STK4: variants seen among roughly 807,000 people sequenced by gnomAD.
STK4 encodes serine/threonine kinase 4.
STK4 carries 30 observed loss-of-function variants against 64.9 expected under a neutral mutation model. The ratio of observed to expected loss-of-function variants is 0.46; its 90% CI spans 0.35 to 0.63. STK4 has a LOEUF of 0.63. Among genes scored for constraint, STK4 ranks in the 20% least tolerant of loss-of-function variants. The pLI, the probability that STK4 is intolerant of heterozygous loss-of-function variation, is 0.01. For synonymous variants in STK4, 177 were observed against 199.0 expected (o/e 0.89, Z 0.93); for missense variants, 466 against 598.5 (o/e 0.78, Z 2.31).
intron 10 of STK4, among the ~76,000 whole-genome samples, chr20:45,033,380 A>G (rs1265883586): frequency 6.6e-6 from 1 of 152,076 alleles, no homozygotes; most frequent in East Asian, 1.9e-4. Flanking sequence ...TTTCTAGGTT[A>G]TCTTCTAGGG....
chr20:44,993,008 T>A (rs2067663042), intron 5 of STK4, among the ~76,000 whole-genome samples: 1 of 152,198 alleles, frequency 6.6e-6, no homozygotes, highest in South Asian at 2.1e-4. Flanking sequence ...CTAATGTACT[T>A]CTTTAAAGTA....
intron 10 of STK4, among the ~76,000 whole-genome samples, chr20:45,050,667 C>A (rs988632569): frequency 6.6e-6 from 1 of 151,874 alleles, no homozygotes; most frequent in Non-Finnish European, 1.5e-5. Context: ...AGGTTATGAA[C>A]CTTTTAACAT....
intron 10 of STK4, among the ~76,000 whole-genome samples, chr20:45,060,888 G>A (rs1170391812): frequency 1.3e-5 from 2 of 151,738 alleles, no homozygotes; most frequent in Non-Finnish European, 2.9e-5. Flanking sequence ...TACTTTTTTT[G>A]TCCCATACCC....
At chr20:45,013,278 T>C (rs2068086859) in intron 9 of STK4, among the ~76,000 whole-genome samples, 2 of 152,142 alleles carry the variant, frequency 1.3e-5, no homozygotes, top group South Asian at 4.1e-4. Context: ...GGTTTATTTT[T>C]AGTTTAAGAG....
intron 9 of STK4, among the ~76,000 whole-genome samples, chr20:45,019,488 T>C (rs2068204940): frequency 1.3e-5 from 2 of 152,228 alleles, no homozygotes; most frequent in Admixed American, 1.3e-4. Flanking sequence ...TTACGTAGCA[T>C]TTTTCAAAGA....
At chr20:44,982,009 T>C (rs1384025318) in intron 4 of STK4, 66 bp downstream of exon 4, 53 of 1,063,482 alleles carry the variant, frequency 5.0e-5, no homozygotes, top group Non-Finnish European at 5.8e-6. Context: ...TCTCTGCCTC[T>C]TTTTCAGGGC....
Position 44,981,847 on chromosome 20 carries a change from T to C in STK4, c.264T>C (p.Tyr88=), listed in dbSNP as rs1321262030. The change falls in exon 4 of 11, where the codon TAT becomes TAC. Residue 88 remains tyrosine, a synonymous_variant. Transcript: ENST00000372806. ...QQCDSPHVVK[Y]YGSYFKNTDL... is the part of the protein sequence containing the mutation. The stretch of plus-strand genomic sequence containing the variant: ...TCTCTAGCCCTCATGTAGTCAAATA[T>C]TATGGCAGTTATTTTAAGAACACAG... The C allele has an allele frequency of 5.6e-6, 9 of 1,612,780 alleles. No individual in the cohort carries two copies. The East Asian group carries it at 1.1e-4, about 20-fold the overall frequency.
chr20:45,058,881 C>T (rs1483395721), intron 10 of STK4, among the ~76,000 whole-genome samples: 1 of 152,170 alleles, frequency 6.6e-6, no homozygotes, highest in Non-Finnish European at 1.5e-5. Context: ...TTCTTGTACT[C>T]TACCTTCTGT....
intron 9 of STK4, among the ~76,000 whole-genome samples, chr20:45,016,928 TGCTCTAA>T (rs2068152624): frequency 6.6e-6 from 1 of 152,238 alleles, no homozygotes; most frequent in Admixed American, 6.5e-5. Flanking sequence ...ATTTCTCTGT[TGCTCTAA>T]GCTTGCTGTT....
intron 9 of STK4, among the ~76,000 whole-genome samples, chr20:45,009,665 G>A (rs910256503): frequency 5.9e-5 from 9 of 152,172 alleles, no homozygotes; most frequent in Admixed American, 5.2e-4. Context: ...CTATCCGTGA[G>A]CATACAATGT....
At chr20:45,020,444 G>C (rs1323552516) in intron 9 of STK4, among the ~76,000 whole-genome samples, 1 of 95,374 alleles carries the variant, frequency 1.0e-5, no homozygotes, top group Non-Finnish European at 2.1e-5. Flanking sequence ...TTATGCGTGT[G>C]TGTGTGTGTG....
chr20:45,021,524 A>C (rs1256144026), intron 9 of STK4, among the ~76,000 whole-genome samples: 1 of 152,222 alleles, frequency 6.6e-6, no homozygotes, highest in Non-Finnish European at 1.5e-5. Flanking sequence ...ATTGTTTTTG[A>C]ATGTCTGCTG....
chr20:44,966,804 C>A (rs1035303879), intron 1 of STK4, among the ~76,000 whole-genome samples: 1 of 151,988 alleles, frequency 6.6e-6, no homozygotes, highest in Non-Finnish European at 1.5e-5. Context: ...GACTTGGGAC[C>A]GGTTAGAGGG....
intron 9 of STK4, among the ~76,000 whole-genome samples, chr20:45,002,995 T>A (rs2067868144): frequency 6.6e-6 from 1 of 152,096 alleles, no homozygotes; most frequent in Admixed American, 6.6e-5. Context: ...TTATAATTGA[T>A]TTTAAGTATT....
In STK4 at chr20:44,982,046, A is replaced by C. The variant is rs1043007185; in HGVS notation, c.360+103A>C. 4 of 717,122 alleles carry C rather than the reference A, an allele frequency of 5.6e-6. No homozygotes were observed. The African/African-American group carries it at 7.3e-5, about 13-fold the overall frequency. The allele number at this position is 717,122 out of a possible 1,614,324, so 44.4% of individuals were successfully genotyped here. Reference sequence around the variant, plus strand: ...TTCTCCTACTAGAGAGACGACTGTCAGATTTCCCCTTTTCCATGGTTATTT... The same window carrying C: ...TTCTCCTACTAGAGAGACGACTGTCCGATTTCCCCTTTTCCATGGTTATTT... On this transcript the variant is annotated intron_variant, in intron 4 of 10. Coordinates refer to ENST00000372806, the MANE Select transcript of STK4 (RefSeq NM_006282.5).
At chr20:44,975,067 C>T (rs1235817370) in intron 2 of STK4, 1 of 152,156 alleles carries the variant, frequency 6.6e-6, no homozygotes, top group African/African-American at 2.4e-5. Flanking sequence ...GCATCTTGCC[C>T]ATGGTTTCAT....
intron 7 of STK4, 82 bp downstream of exon 7, chr20:44,997,388 G>A (rs1173569814): frequency 6.7e-7 from 1 of 1,502,474 alleles, no homozygotes; most frequent in East Asian, 2.3e-5. Flanking sequence ...CCTACGTGGA[G>A]ATAGTAAAGA....
chr20:44,972,904 A>AT (rs938185903), intron 2 of STK4: 8 of 146,978 alleles, frequency 5.4e-5, no homozygotes, highest in Non-Finnish European at 1.1e-4. Flanking sequence ...GACGCATACA[A>AT]TAAAAAAAAA....
intron 10 of STK4, among the ~76,000 whole-genome samples, chr20:45,031,500 A>G (rs2068442104): frequency 2.0e-5 from 3 of 152,186 alleles, no homozygotes; most frequent in Admixed American, 2.0e-4. Context: ...AATGCTGTTT[A>G]TAAGAGATGT....
Sources: gnomAD v4.1 joint callset for allele counts (sites outside exome capture counted in the v4.1 genomes callset) on GRCh38, gnomAD v4.1.1 for gene constraint, MANE v1.5 for transcripts, NCBI Gene and HGNC (gene_info 2026-07-23, HGNC 2026-07-21) for gene names.